PLD5: variants seen among roughly 807,000 people sequenced by gnomAD.
The protein encoded by PLD5 is inactive phospholipase D5.
PLD5 carries 36 observed loss-of-function variants against 61.1 expected under a neutral mutation model. The observed-to-expected ratio is 0.59, with a 90% CI of 0.45 to 0.78. The LOEUF is 0.78. Among genes scored for constraint, PLD5 ranks in the 30% least tolerant of loss-of-function variants. The probability of loss-of-function intolerance (pLI) is 0.00; values close to 1 mark genes in which losing one functional copy is unlikely to be tolerated. For synonymous variants in PLD5, 243 were observed against 242.8 expected (o/e 1.00, Z -0.01); for missense variants, 515 against 644.4 (o/e 0.80, Z 2.17).
chr1:242,094,350 C>A (rs1660064084), intron 9 of PLD5, among the ~76,000 whole-genome samples: 1 of 152,120 alleles, frequency 6.6e-6, no homozygotes, highest in African/African-American at 2.4e-5. Flanking sequence ...GTTTGCAGAG[C>A]TTGACTCAAA....
rs534404735 is a variant in PLD5, at chr1:242,309,755, TTCAA to T, written c.327-21229_327-21226del. The stretch of plus-strand genomic sequence containing the variant: ...CCTGTCCATGATTCCCTAATTGGAA[TTCAA>T]TCAGTCATTTCTAAGGTTGAAGATG... On this transcript the variant is annotated intron_variant, in intron 2 of 9. Coordinates refer to ENST00000536534, the MANE Select transcript of PLD5 (RefSeq NM_001372062.1). Among the ~76,000 whole-genome samples the T allele has an allele frequency of 4.3e-3, 650 of 150,458 alleles. 4 individuals are homozygous for T. The highest frequency in any genetic ancestry group is 7.7e-3 in the Non-Finnish European group (519 of 67,676).
intron 5 of PLD5, among the ~76,000 whole-genome samples, chr1:242,163,304 C>T (rs888825226): frequency 5.3e-5 from 8 of 151,878 alleles, no homozygotes; most frequent in East Asian, 1.9e-4. Flanking sequence ...CCACCACGCC[C>T]GGCTAATTTT....
intron 3 of PLD5, among the ~76,000 whole-genome samples, chr1:242,280,166 TTTAA>T: frequency 6.6e-6 from 1 of 152,340 alleles, no homozygotes; most frequent in East Asian, 1.9e-4. Flanking sequence ...CAGAATTAAT[TTTAA>T]TTAATAGATG....
chr1:242,394,891 T>C (rs1311118016), intron 1 of PLD5, among the ~76,000 whole-genome samples: 1 of 114,378 alleles, frequency 8.7e-6, no homozygotes, highest in Non-Finnish European at 1.7e-5. Context: ...TATATGTATA[T>C]ATATGATTAT....
At chr1:242,275,846 G>T (rs181877502) in intron 3 of PLD5, among the ~76,000 whole-genome samples, 72 of 152,310 alleles carry the variant, frequency 4.7e-4, no homozygotes, top group African/African-American at 1.7e-3. Flanking sequence ...CTTGTAAGAC[G>T]CATTGAAGAG....
intron 9 of PLD5, among the ~76,000 whole-genome samples, chr1:242,096,179 C>T (rs2148657925): frequency 6.6e-6 from 1 of 152,048 alleles, no homozygotes; most frequent in South Asian, 2.1e-4. Context: ...AGGATGGTCT[C>T]AATCTCTTGA....
chr1:242,331,245 C>T (rs1659151265), intron 2 of PLD5, among the ~76,000 whole-genome samples: 1 of 152,158 alleles, frequency 6.6e-6, no homozygotes, highest in Non-Finnish European at 1.5e-5. Flanking sequence ...GCGATTAAGA[C>T]ATGGTGTCTC....
chr1:242,328,591 C>T (rs1247237741), intron 2 of PLD5, among the ~76,000 whole-genome samples: 4 of 152,062 alleles, frequency 2.6e-5, no homozygotes, highest in African/African-American at 9.7e-5. Flanking sequence ...ATGTGGCCAT[C>T]CTTAAAACAC....
At chr1:242,410,931 C>A (rs1358558261) in intron 1 of PLD5, among the ~76,000 whole-genome samples, 2 of 150,934 alleles carry the variant, frequency 1.3e-5, no homozygotes, top group Non-Finnish European at 2.9e-5. Flanking sequence ...TCATTCTGTG[C>A]CCAATGCTGA....
At chr1:242,270,442 A>AG (rs1205876625) in intron 3 of PLD5, among the ~76,000 whole-genome samples, 8 of 152,210 alleles carry the variant, frequency 5.3e-5, no homozygotes, top group Non-Finnish European at 1.2e-4. Context: ...AGTGGCAGTC[A>AG]GGCCTAGAAC....
intron 1 of PLD5, among the ~76,000 whole-genome samples, chr1:242,507,584 A>C (rs533800914): frequency 6.6e-6 from 1 of 152,342 alleles, no homozygotes; most frequent in South Asian, 2.1e-4. Flanking sequence ...TGAATGGATA[A>C]ATCAATCGAC....
At chr1:242,397,339 TTTC>T (rs964834851) in intron 1 of PLD5, among the ~76,000 whole-genome samples, 1 of 115,938 alleles carries the variant, frequency 8.6e-6, no homozygotes, top group Admixed American at 1.0e-4. Flanking sequence ...TTCTGTTTTT[TTTC>T]TTTGTTTTTT....
chr1:242,359,230 G>C (rs942954162), intron 1 of PLD5, among the ~76,000 whole-genome samples: 2 of 152,098 alleles, frequency 1.3e-5, no homozygotes, highest in African/African-American at 4.8e-5. Context: ...CCTGTTTCCT[G>C]TGAGGTGGGA....
At chr1:242,241,020 A>G (rs1486708991) in intron 4 of PLD5, among the ~76,000 whole-genome samples, 1 of 152,224 alleles carries the variant, frequency 6.6e-6, no homozygotes, top group Non-Finnish European at 1.5e-5. Flanking sequence ...CAGAGATATT[A>G]TTTTAATAAT....
intron 1 of PLD5, among the ~76,000 whole-genome samples, chr1:242,461,775 T>C (rs1054696539): frequency 6.6e-6 from 1 of 152,220 alleles, no homozygotes; most frequent in Non-Finnish European, 1.5e-5. Context: ...TTCTTAGTAA[T>C]AGTCATTCTG....
At chr1:242,151,571 C>G (rs941423858) in intron 5 of PLD5, among the ~76,000 whole-genome samples, 2 of 151,882 alleles carry the variant, frequency 1.3e-5, no homozygotes, top group African/African-American at 4.8e-5. Flanking sequence ...TTTCAGTTTT[C>G]CTGTTTGTCT....
intron 1 of PLD5, among the ~76,000 whole-genome samples, chr1:242,361,616 C>T (rs916735584): frequency 8.5e-5 from 13 of 152,184 alleles, no homozygotes; most frequent in African/African-American, 2.7e-4. Flanking sequence ...ATCAGCCAAT[C>T]TGTACTTTCA....
chr1:242,170,757 C>T (rs1666689768), intron 5 of PLD5, among the ~76,000 whole-genome samples: 1 of 151,982 alleles, frequency 6.6e-6, no homozygotes, highest in East Asian at 1.9e-4. Context: ...CTTCGTGAAG[C>T]ATACATGAGT....
chr1:242,361,730 A>G (rs566433775), intron 1 of PLD5, among the ~76,000 whole-genome samples: 2 of 152,316 alleles, frequency 1.3e-5, no homozygotes, highest in South Asian at 4.1e-4. Flanking sequence ...CTTAACAAAC[A>G]TGTTTTAACT....
Sources: gnomAD v4.1 joint callset for allele counts (sites outside exome capture counted in the v4.1 genomes callset) on GRCh38, gnomAD v4.1.1 for gene constraint, MANE v1.5 for transcripts, NCBI Gene and HGNC (gene_info 2026-07-23, HGNC 2026-07-21) for gene names.